Variants in ZNF571 observed in about 807,000 individuals in gnomAD.
The protein encoded by ZNF571 is zinc finger protein 571.
A neutral mutation model predicts 7.7 loss-of-function variants in ZNF571; 4 were observed. The ratio of observed to expected loss-of-function variants is 0.52; its 90% CI spans 0.25 to 1.18. ZNF571 has a LOEUF of 1.18. Ranked by LOEUF, ZNF571 falls within the 50% of genes most tolerant of loss-of-function variation. The pLI is 0.14. For missense variants in ZNF571, 704 were observed against 726.9 expected (o/e 0.97, Z 0.36); for synonymous variants, 251 against 232.4 (o/e 1.08, Z -0.73).
At chr19:37,585,092 A>AAT (rs1474628341) in intron 2 of ZNF571, 1 of 152,200 alleles carries the variant, frequency 6.6e-6, no homozygotes, top group African/African-American at 2.4e-5. Flanking sequence ...AGGCTATAGC[A>AAT]AGGTACTGGA....
At position 37,564,967 on chromosome 19, in the gene ZNF571, T is replaced by C. The variant is rs756067370; in HGVS notation, c.1461A>G (p.Thr487=). ...GAATTCTTTGATGATATGTAAGTTG[T>C]GTAGCACGTACAAAGGTCTTCCCAC... ...KECGKTFVRA[T]QLTYHQRIHT... is the part of the protein sequence containing the mutation. Residue 487 remains threonine, a synonymous_variant, in exon 4 of 4, where the codon ACA becomes ACG. Transcript: ENST00000451802. 5 of 1,613,798 alleles carry C rather than the reference T, an allele frequency of 3.1e-6. No individual in the cohort carries two copies. In the Admixed American group the frequency reaches 8.3e-5, roughly 27 times the overall value.
chr19:37,566,121 G>A lies in ZNF571; in HGVS notation c.307C>T (p.Gln103Ter), dbSNP rs750442595. 1 of 1,614,006 alleles carries A rather than the reference G, an allele frequency of 6.2e-7. No individual in the cohort carries two copies. The highest frequency in any genetic ancestry group is 8.5e-7 in the Non-Finnish European group (1 of 1,179,928). The stretch of plus-strand genomic sequence containing the variant: ...TTGACACACATGTAAAGCCCTTCCT[G>A]ACTTGCTTCTTGACCCTCTAAGTTG... Reference protein sequence around the residue: ...KGNLEGQEASQEGLYMCVKIT... With the variant: ...KGNLEGQEAS The change falls in exon 4 of 4, where the codon CAG (glutamine) becomes TAG (stop). Residue 103 changes from glutamine (Q) to a stop codon, truncating the protein, a stop_gained. Transcript: ENST00000451802. LOFTEE classifies it low-confidence loss of function (END_TRUNC).
intron 1 of ZNF571, 53 bp from the exon 2 acceptor site, chr19:37,586,798 T>TA: frequency 9.6e-7 from 1 of 1,037,942 alleles, no homozygotes; most frequent in Non-Finnish European, 1.5e-6. Context: ...GCCCACAAAA[T>TA]AAACTACTTA....
rs1319410482 is a variant in ZNF571 at position 37,565,771 on chromosome 19, A to C, written c.657T>G (p.Asn219Lys). The C allele has an allele frequency of 3.1e-6, 5 of 1,613,856 alleles. No homozygotes were observed. The highest frequency in any genetic ancestry group is 4.2e-6 in the Non-Finnish European group (5 of 1,179,896). ...ATGCGTTACACTGATAAGGTTTTTCATTAGTATGAATTTTCTGATGTTGAA... is the reference window on the plus strand; with the variant it reads ...ATGCGTTACACTGATAAGGTTTTTCCTTAGTATGAATTTTCTGATGTTGAA... ...DLIQHQKIHT[N>K]EKPYQCNACG... Residue 219 changes from asparagine to lysine, a missense_variant, in exon 4 of 4, where the codon AAT (asparagine) becomes AAG (lysine). Transcript: ENST00000451802.
rs373753017 is a variant in ZNF571 at position 37,566,176 on chromosome 19, A to G, written c.252T>C (p.Asn84=). The G allele has an allele frequency of 5.0e-6, 8 of 1,613,876 alleles. No individual in the cohort carries two copies. The highest frequency in any genetic ancestry group is 2.7e-5 in the African/African-American group (2 of 74,910). ...GKRINHHLQY[N]GLGDNMECKG... Reference sequence around the variant, plus strand: ...TGCACTCCATATTGTCTCCAAGACCATTGTATTGAAGGTGATGGTTGATAC... The same window carrying G: ...TGCACTCCATATTGTCTCCAAGACCGTTGTATTGAAGGTGATGGTTGATAC... Residue 84 remains asparagine, a synonymous_variant, in exon 4 of 4, where the codon AAT becomes AAC. Coordinates refer to ENST00000451802, the MANE Select transcript of ZNF571 (RefSeq NM_016536.5).
chr19:37,589,696 T>C (rs949742977), intron 1 of ZNF571, among the ~76,000 whole-genome samples: 7 of 151,264 alleles, frequency 4.6e-5, no homozygotes, highest in African/African-American at 1.7e-4. Flanking sequence ...GAAGCAGTAT[T>C]CCTACAAAAA....
rs1285085056 is a variant in ZNF571 at position 37,566,102 on chromosome 19, C to G, written c.326G>C (p.Cys109Ser). 3.7e-6 allele frequency: 6 copies of G among 1,613,908 alleles called. No individual in the cohort carries two copies. Among genetic ancestry groups the G allele is most frequent in the Non-Finnish European group, 4.2e-6 (5 of 1,179,944 alleles). The change falls in exon 4 of 4, where the codon TGT (cysteine) becomes TCT (serine). Residue 109 changes from cysteine to serine, a missense_variant. Cys to Ser is a moderately radical substitution (Grantham distance 112, BLOSUM62 -1). Coordinates refer to ENST00000451802, the MANE Select transcript of ZNF571 (RefSeq NM_016536.5). Reference protein sequence around the residue: ...QEASQEGLYMCVKITCEEKAT... With the variant: ...QEASQEGLYMSVKITCEEKAT... ...CTTTTCTTCACAGGTAATTTTGACA[C>G]ACATGTAAAGCCCTTCCTGACTTGC...
chr19:37,589,765 C>T (rs1013517731), intron 1 of ZNF571, among the ~76,000 whole-genome samples: 1 of 141,646 alleles, frequency 7.1e-6, no homozygotes, highest in African/African-American at 2.6e-5. Flanking sequence ...ACTTGGGAGG[C>T]TGAGGCAAAG....
chr19:37,573,121 A>G (rs1479416271), intron 3 of ZNF571, among the ~76,000 whole-genome samples: 1 of 147,484 alleles, frequency 6.8e-6, no homozygotes, highest in Admixed American at 6.8e-5. Context: ...TAATGCCACC[A>G]ACCTCTTCCA....
chr19:37,567,628 T>C lies in ZNF571; in HGVS notation c.137-1337A>G, dbSNP rs904227963. On this transcript the variant is annotated intron_variant, in intron 3 of 3. Transcript: ENST00000451802. ...TCTTTCCCATTTTAGATTTTCCATATGCTGTTCCATCTGCCAAGAATGCTC... is the reference window on the plus strand; with the variant it reads ...TCTTTCCCATTTTAGATTTTCCATACGCTGTTCCATCTGCCAAGAATGCTC... 3 of 152,336 alleles carry C rather than the reference T, an allele frequency of 2.0e-5. No homozygotes were observed. The East Asian group carries it at 5.8e-4, about 29-fold the overall frequency. The allele number at this position is 152,336 out of a possible 1,614,324, so 9.4% of individuals were successfully genotyped here.
chr19:37,588,927 T>TG (rs2043776722), intron 1 of ZNF571, among the ~76,000 whole-genome samples: 1 of 151,430 alleles, frequency 6.6e-6, no homozygotes, highest in African/African-American at 2.4e-5. Context: ...TGGCAGGGAG[T>TG]GGTGGCTCAT....
intron 3 of ZNF571, among the ~76,000 whole-genome samples, chr19:37,581,690 T>C (rs574204750): frequency 2.6e-5 from 4 of 152,046 alleles, no homozygotes; most frequent in Admixed American, 2.6e-4. Flanking sequence ...CCTGAATTCC[T>C]GGGCTCAAGC....
Position 37,564,707 on chromosome 19 carries a change from G to GT in ZNF571, c.1720dup (p.Thr574AsnfsTer10). ...ACCAGTATGGATCCTTTGATGCAGAGTAAGTTCTGAGCCACGACTAAAGGC... is the reference window on the plus strand; with the variant it reads ...ACCAGTATGGATCCTTTGATGCAGAGTTAAGTTCTGAGCCACGACTAAAGGC... On this transcript the variant is annotated frameshift_variant, in exon 4 of 4. Coordinates refer to ENST00000451802, the MANE Select transcript of ZNF571 (RefSeq NM_016536.5). LOFTEE classifies it low-confidence loss of function (END_TRUNC). 6.2e-7 allele frequency: 1 copy of GT among 1,613,614 alleles called. No homozygotes were observed. The highest frequency in any genetic ancestry group is 1.1e-5 in the South Asian group (1 of 91,070).
intron 3 of ZNF571, chr19:37,566,566 A>AT (rs1294145939): frequency 3.4e-6 from 1 of 294,248 alleles, no homozygotes; most frequent in East Asian, 6.4e-5. Context: ...TAAAATAGTA[A>AT]TAAAAACACC....
chr19:37,580,425 T>C (rs974359865), intron 3 of ZNF571, among the ~76,000 whole-genome samples: 2 of 152,262 alleles, frequency 1.3e-5, no homozygotes, highest in Non-Finnish European at 2.9e-5. Context: ...TTAGCTTGAC[T>C]TTCTTTCCAC....
intron 3 of ZNF571, among the ~76,000 whole-genome samples, chr19:37,568,705 A>G (rs898371924): frequency 2.6e-5 from 4 of 152,210 alleles, no homozygotes; most frequent in Non-Finnish European, 4.4e-5. Flanking sequence ...AGTACATATA[A>G]AAATGTATTC....
chr19:37,593,119 T>C (rs1016596941), intron 1 of ZNF571, among the ~76,000 whole-genome samples: 1 of 152,050 alleles, frequency 6.6e-6, no homozygotes, highest in African/African-American at 2.4e-5. Flanking sequence ...TTTAAACTTA[T>C]TGTTAGTTTT....
chr19:37,580,227 G>A (rs1164580547), intron 3 of ZNF571, among the ~76,000 whole-genome samples: 1 of 152,170 alleles, frequency 6.6e-6, no homozygotes, highest in African/African-American at 2.4e-5. Flanking sequence ...ACAGTTGGAG[G>A]CCTAACAGGA....
chr19:37,574,267 G>A (rs2043169563), intron 3 of ZNF571, among the ~76,000 whole-genome samples: 1 of 152,080 alleles, frequency 6.6e-6, no homozygotes, highest in South Asian at 2.1e-4. Context: ...TTTAAATCAT[G>A]CTTATTGTCA....
Sources: gnomAD v4.1 joint callset for allele counts (sites outside exome capture counted in the v4.1 genomes callset) on GRCh38, gnomAD v4.1.1 for gene constraint, MANE v1.5 for transcripts, NCBI Gene and HGNC (gene_info 2026-07-23, HGNC 2026-07-21) for gene names.